Variants in GATA3 observed in about 807,000 individuals in gnomAD.
GATA3 encodes the protein trans-acting T-cell-specific transcription factor GATA-3.
In GATA3, 6 loss-of-function variants were observed where a neutral mutation model predicts 36.0. The ratio of observed to expected loss-of-function variants is 0.17; its 90% CI spans 0.09 to 0.33. The LOEUF is 0.33. Ranked by LOEUF, GATA3 falls within the 10% of genes least tolerant of loss-of-function variation. The pLI, the probability that GATA3 is intolerant of heterozygous loss-of-function variation, is 1.00. For synonymous variants in GATA3, 326 were observed against 273.0 expected, an observed-to-expected ratio of 1.19 and a Z score of -1.92; for missense variants, 514 against 610.1, an observed-to-expected ratio of 0.84 and a Z score of 1.66.
chr10:8,058,779 T>A lies in GATA3; in HGVS notation c.716T>A (p.Leu239Gln). ...YSSGLFPPSS[L>Q]LGGSPTGFGC... The stretch of plus-strand genomic sequence containing the variant: ...TCCGGACTCTTCCCCCCCAGCAGCC[T>A]GCTGGGCGGCTCCCCCACCGGCTTC... Residue 239 changes from leucine to glutamine, a missense_variant, in exon 3 of 6, where the codon CTG becomes CAG. Leu to Gln is a moderately radical substitution (Grantham distance 113, BLOSUM62 -2). Transcript: ENST00000379328. 6.2e-7 allele frequency: 1 copy of A among 1,609,842 alleles called. No homozygotes were observed. Among genetic ancestry groups the A allele is most frequent in the Middle Eastern group, 1.7e-4 (1 of 6,056 alleles).
At chr10:8,057,525 C>T (rs1176690800) in intron 2 of GATA3, among the ~76,000 whole-genome samples, 3 of 152,164 alleles carry the variant, frequency 2.0e-5, no homozygotes, top group Non-Finnish European at 2.9e-5. Flanking sequence ...ATGGGGCTTA[C>T]GTTATCTCCT....
chr10:8,053,500 T>C (rs1832551918), upstream of GATA3: 1 of 152,156 alleles, frequency 6.6e-6, no homozygotes, highest in Admixed American at 6.5e-5. The surrounding 1 kb of genome is among the most constrained non-coding windows in gnomAD (Gnocchi z 5.1). Flanking sequence ...GAGCGGGCGG[T>C]GCAGGTTGGA....
At chr10:8,066,003 A>G (rs565409461) in intron 4 of GATA3, among the ~76,000 whole-genome samples, 1 of 151,178 alleles carries the variant, frequency 6.6e-6, no homozygotes, top group South Asian at 2.1e-4. Flanking sequence ...AGAGAGGAAA[A>G]AAAAACAACA....
chr10:8,055,317 G>A lies in GATA3; in HGVS notation c.-339G>A. The A allele has an allele frequency of 6.8e-6, 3 of 443,862 alleles. No homozygotes were observed. The highest frequency in any genetic ancestry group is 8.1e-6 in the Non-Finnish European group (2 of 245,746). 27.5% of individuals were successfully genotyped at this position (443,862 alleles called of 1,614,324 possible). ...CCGAGGAGGGACTCCGCCTCCGAGC[G>A]GCTGAGGACCCCGGTGCAGAGGAGC... On this transcript the variant is annotated 5_prime_UTR_variant, in exon 2 of 6. Transcript: ENST00000379328. The surrounding 1 kb of genome is among the most constrained non-coding windows in gnomAD (Gnocchi z 5.4).
intron 5 of GATA3, 30 bp downstream of exon 5, chr10:8,069,628 G>T: frequency 6.2e-7 from 1 of 1,613,464 alleles, no homozygotes; most frequent in Non-Finnish European, 8.5e-7. Context: ...CAAGAACAGG[G>T]CTCGCTTCCT....
intron 5 of GATA3, among the ~76,000 whole-genome samples, chr10:8,072,921 C>A (rs980133174): frequency 6.6e-6 from 1 of 151,996 alleles, no homozygotes; most frequent in African/African-American, 2.4e-5. Context: ...CCGAGGTGGG[C>A]AGATCACAAT....
rs752608925 is a variant in GATA3 at position 8,074,117 on chromosome 10, G to T, written c.*94G>T. ...AGGAGCAGTATCATGAAGCCTAAAC[G>T]CGATGGATATATGTTTTTGAAGGCA... On this transcript the variant is annotated 3_prime_UTR_variant, in exon 6 of 6. Transcript: ENST00000379328. 27 of 1,402,050 alleles carry T rather than the reference G, an allele frequency of 1.9e-5. 1 individual carries two copies. The Admixed American group carries it at 2.9e-4, about 15-fold the overall frequency. The allele number at this position is 1,402,050 out of a possible 1,614,324, so 86.9% of individuals were successfully genotyped here. A position where few individuals can be genotyped will look rare whatever the true frequency, so the allele number is the denominator to read the frequency against.
At chr10:8,051,361 C>T (rs1231254050), upstream of GATA3, 2 of 281,936 alleles carry the variant, frequency 7.1e-6, no homozygotes, top group Admixed American at 5.0e-5. Flanking sequence ...GCACGCCGCC[C>T]CGGGCCCCGG....
At chr10:8,066,365 T>C (rs549955244) in intron 4 of GATA3, among the ~76,000 whole-genome samples, 12 of 152,284 alleles carry the variant, frequency 7.9e-5, no homozygotes, top group Non-Finnish European at 1.3e-4. Flanking sequence ...GGTGGTTTGA[T>C]GTTTTTAGTT....
At chr10:8,071,225 ACGTGGCT>A (rs1832926131) in intron 5 of GATA3, among the ~76,000 whole-genome samples, 1 of 152,198 alleles carries the variant, frequency 6.6e-6, no homozygotes, top group South Asian at 2.1e-4. Flanking sequence ...GCACAAGGTA[ACGTGGCT>A]GAGAAAGTAT....
At chr10:8,047,601 G>A (rs180812196) in intron 1 of GATA3, among the ~76,000 whole-genome samples, 86 of 152,344 alleles carry the variant, frequency 5.6e-4, no homozygotes, top group Middle Eastern at 3.4e-3. Flanking sequence ...GGGCTGACCC[G>A]AGCTGGGGTG....
In GATA3 at chr10:8,063,782, G is replaced by A. The variant is rs2277228; in HGVS notation, c.779-211G>A. ...ATCTGCCCCTTCTGCGGGCGCCTCCGTGTGTGTCGGGGGAACGGTCATGCC... is the reference window on the plus strand; with the variant it reads ...ATCTGCCCCTTCTGCGGGCGCCTCCATGTGTGTCGGGGGAACGGTCATGCC... On this transcript the variant is annotated intron_variant, in intron 3 of 5. Coordinates refer to ENST00000379328, the MANE Select transcript of GATA3 (RefSeq NM_001002295.2). 0.52 allele frequency among the ~76,000 whole-genome samples: 79,028 copies of A among 152,058 alleles called. 21,653 individuals are homozygous for A. The highest frequency in any genetic ancestry group is 0.71 in the East Asian group (3,662 of 5,164).
intron 3 of GATA3, among the ~76,000 whole-genome samples, chr10:8,061,453 G>C (rs1489647975): frequency 6.6e-6 from 1 of 152,136 alleles, no homozygotes; most frequent in African/African-American, 2.4e-5. Context: ...AGGCCTCGCC[G>C]CTCTGTGGTT....
chr10:8,061,885 A>C (rs1051155900), intron 3 of GATA3, among the ~76,000 whole-genome samples: 4 of 152,172 alleles, frequency 2.6e-5, no homozygotes, highest in African/African-American at 9.7e-5. Flanking sequence ...CTCTCCTCAC[A>C]CTGCCCTCTG....
intron 1 of GATA3, among the ~76,000 whole-genome samples, chr10:8,047,316 T>A (rs566568654): frequency 6.6e-6 from 1 of 152,160 alleles, no homozygotes; most frequent in East Asian, 1.9e-4. Flanking sequence ...GAATTAGGGA[T>A]CCTGATAAGG....
At chr10:8,057,719 T>C (rs1832664687) in intron 2 of GATA3, among the ~76,000 whole-genome samples, 1 of 152,162 alleles carries the variant, frequency 6.6e-6, no homozygotes, top group African/African-American at 2.4e-5. Context: ...AAACTAACCC[T>C]GAAAGTCTCC....
At position 8,055,200 on chromosome 10, in the gene GATA3, C is replaced by A; in HGVS notation, c.-369-87C>A. The A allele has an allele frequency of 3.8e-6, 1 of 265,082 alleles. No homozygotes were observed. The highest frequency in any genetic ancestry group is 7.6e-5 in the South Asian group (1 of 13,180). 16.4% of individuals were successfully genotyped at this position (265,082 alleles called of 1,614,324 possible). ...CGCGCTCCCGTGCGGGTCTCGGGTG[C>A]GCTGGGCGGGCGGGCGGCGCGAGGG... On this transcript the variant is annotated intron_variant, in intron 1 of 5. Transcript: ENST00000379328. The surrounding 1 kb of genome is among the most constrained non-coding windows in gnomAD (Gnocchi z 5.4).
At chr10:8,064,525 A>G (rs1173514962) in intron 4 of GATA3, among the ~76,000 whole-genome samples, 1 of 152,144 alleles carries the variant, frequency 6.6e-6, no homozygotes, top group Non-Finnish European at 1.5e-5. Flanking sequence ...AGATAGAGAC[A>G]TTTAGTATGA....
At chr10:8,050,781 C>T (rs959077891), upstream of GATA3, 2 of 343,090 alleles carry the variant, frequency 5.8e-6, no homozygotes, top group African/African-American at 2.3e-5. Context: ...GCTCTGCTTG[C>T]AAAGTCTTTA....
Sources: gnomAD v4.1 joint callset for allele counts (sites outside exome capture counted in the v4.1 genomes callset) on GRCh38, gnomAD v4.1.1 for gene constraint, Gnocchi (gnomAD v3.1) non-coding constraint, MANE v1.5 for transcripts, NCBI Gene and HGNC (gene_info 2026-07-23, HGNC 2026-07-21) for gene names.